Variants in LHFPL3 observed in about 807,000 individuals in gnomAD.
The protein encoded by LHFPL3 is LHFPL tetraspan subfamily member 3 protein.
LHFPL3 carries 5 observed loss-of-function variants against 19.3 expected under a neutral mutation model. The observed-to-expected ratio is 0.26, with a 90% confidence interval of 0.14 to 0.54. The LOEUF (loss-of-function observed/expected upper bound fraction) is 0.54, where lower values mean the gene tolerates loss of function less well. Ranked by LOEUF, LHFPL3 falls within the 20% of genes least tolerant of loss-of-function variation. The pLI is 0.94. For synonymous variants in LHFPL3, 133 were observed against 126.2 expected, an observed-to-expected ratio of 1.05 and a Z score of -0.36; for missense variants, 249 against 307.4, an observed-to-expected ratio of 0.81 and a Z score of 1.42.
At chr7:104,599,925 G>C (rs2193205) in intron 1 of LHFPL3, among the ~76,000 whole-genome samples, 11 of 152,132 alleles carry the variant, frequency 7.2e-5, no homozygotes, top group Non-Finnish European at 1.2e-4. Context: ...ACTTTTTAAA[G>C]GCCCTAAACT....
At chr7:104,539,511 A>C (rs922242019) in intron 1 of LHFPL3, among the ~76,000 whole-genome samples, 8 of 152,292 alleles carry the variant, frequency 5.3e-5, no homozygotes, top group Non-Finnish European at 8.8e-5. Context: ...CTTCGAAGGA[A>C]TAGATTTCCA....
intron 1 of LHFPL3, among the ~76,000 whole-genome samples, chr7:104,678,525 G>T (rs1028112232): frequency 6.6e-6 from 1 of 152,052 alleles, no homozygotes; most frequent in Non-Finnish European, 1.5e-5. Flanking sequence ...GCCAAACTTG[G>T]TGTGTTTAAA....
At chr7:104,749,867 G>A (rs939781168) in intron 2 of LHFPL3, among the ~76,000 whole-genome samples, 22 of 152,276 alleles carry the variant, frequency 1.4e-4, no homozygotes, top group South Asian at 4.1e-4. Context: ...TACAGTGGCC[G>A]CCCCTAAAAA....
chr7:104,789,881 T>C (rs1789988071), intron 2 of LHFPL3, among the ~76,000 whole-genome samples: 2 of 152,162 alleles, frequency 1.3e-5, no homozygotes, highest in East Asian at 1.9e-4. Flanking sequence ...CTTGTCAATA[T>C]TGAGACTGAT....
chr7:104,752,378 C>T (rs1794191012), intron 2 of LHFPL3, among the ~76,000 whole-genome samples: 1 of 150,852 alleles, frequency 6.6e-6, no homozygotes, highest in Non-Finnish European at 1.5e-5. Flanking sequence ...AACTGAAACG[C>T]TATCTTCTTC....
chr7:104,361,071 G>A (rs1790382760), intron 1 of LHFPL3, among the ~76,000 whole-genome samples: 1 of 152,198 alleles, frequency 6.6e-6, no homozygotes, highest in African/African-American at 2.4e-5. Context: ...TTAGAACCCA[G>A]CCATGCTCAG....
chr7:104,518,020 C>T (rs6962681), intron 1 of LHFPL3, among the ~76,000 whole-genome samples: 1 of 151,334 alleles, frequency 6.6e-6, no homozygotes, highest in East Asian at 1.9e-4. Context: ...TATAATAATT[C>T]AAAAAAAACC....
At chr7:104,360,403 TC>T (rs1255190527) in intron 1 of LHFPL3, among the ~76,000 whole-genome samples, 1 of 152,194 alleles carries the variant, frequency 6.6e-6, no homozygotes, top group Non-Finnish European at 1.5e-5. Context: ...TAAAGTAAGA[TC>T]TTAATGAATG....
chr7:104,449,482 A>G (rs764620191), intron 1 of LHFPL3, among the ~76,000 whole-genome samples: 4 of 152,242 alleles, frequency 2.6e-5, no homozygotes, highest in African/African-American at 7.2e-5. Context: ...GGAAATTAAA[A>G]TAGAATCTCA....
intron 1 of LHFPL3, among the ~76,000 whole-genome samples, chr7:104,662,227 ACT>A (rs1388903982): frequency 6.6e-6 from 1 of 152,208 alleles, no homozygotes; most frequent in African/African-American, 2.4e-5. Flanking sequence ...GACATTAATA[ACT>A]CTGAGACAAA....
intron 1 of LHFPL3, among the ~76,000 whole-genome samples, chr7:104,735,652 C>A (rs920138102): frequency 5.9e-5 from 9 of 152,314 alleles, no homozygotes; most frequent in East Asian, 5.8e-4. Flanking sequence ...ATTCCCTGAC[C>A]CCTTGCACTT....
At chr7:104,565,761 A>G (rs1012062016) in intron 1 of LHFPL3, among the ~76,000 whole-genome samples, 1 of 143,638 alleles carries the variant, frequency 7.0e-6, no homozygotes, top group East Asian at 2.0e-4. Context: ...CTATCTATCT[A>G]TCTATCTATC....
intron 1 of LHFPL3, among the ~76,000 whole-genome samples, chr7:104,567,083 A>G (rs1360059129): frequency 6.6e-6 from 1 of 152,222 alleles, no homozygotes; most frequent in Non-Finnish European, 1.5e-5. Flanking sequence ...CTTGAATACA[A>G]AATAGAGTCA....
At chr7:104,789,608 C>T (rs778989815) in intron 2 of LHFPL3, among the ~76,000 whole-genome samples, 52 of 152,204 alleles carry the variant, frequency 3.4e-4, no homozygotes, top group Non-Finnish European at 3.2e-4. Context: ...GTGACTCCCA[C>T]ACCCCCTCCC....
At chr7:104,609,741 T>C (rs1791176473) in intron 1 of LHFPL3, among the ~76,000 whole-genome samples, 2 of 152,222 alleles carry the variant, frequency 1.3e-5, no homozygotes, top group Non-Finnish European at 2.9e-5. Context: ...AAAACAAAAC[T>C]GTCTAATTAG....
intron 1 of LHFPL3, among the ~76,000 whole-genome samples, chr7:104,419,017 C>T (rs1791677695): frequency 6.6e-6 from 1 of 152,196 alleles, no homozygotes; most frequent in Non-Finnish European, 1.5e-5. Flanking sequence ...CCTAAGATTA[C>T]ACAGCTAGTA....
chr7:104,773,074 A>G (rs1438074620), intron 2 of LHFPL3, among the ~76,000 whole-genome samples: 1 of 152,168 alleles, frequency 6.6e-6, no homozygotes, highest in East Asian at 1.9e-4. Flanking sequence ...TGTAGTATTT[A>G]TGGGATCACA....
intron 1 of LHFPL3, among the ~76,000 whole-genome samples, chr7:104,453,176 G>A (rs1792474124): frequency 1.3e-5 from 2 of 151,950 alleles, no homozygotes; most frequent in South Asian, 4.1e-4. Context: ...AATTAAACAG[G>A]CAAGACTGCT....
intron 1 of LHFPL3, among the ~76,000 whole-genome samples, chr7:104,541,846 A>C (rs1386881979): frequency 6.6e-6 from 1 of 152,054 alleles, no homozygotes; most frequent in African/African-American, 2.4e-5. Flanking sequence ...CCTAGGGACA[A>C]AGCCTAGCAA....
Sources: allele counts gnomAD v4.1 joint callset (sites outside exome capture counted in the v4.1 genomes callset), GRCh38; gene constraint gnomAD v4.1.1; transcripts MANE v1.5; gene names NCBI Gene and HGNC (gene_info 2026-07-23, HGNC 2026-07-21).